Variants in JAML observed in about 807,000 individuals in gnomAD.
The protein encoded by JAML is junction adhesion molecule like.
In JAML, 25 loss-of-function variants were observed where a neutral mutation model predicts 39.3. The ratio of observed to expected loss-of-function variants is 0.64; its 90% CI spans 0.46 to 0.89. The LOEUF (loss-of-function observed/expected upper bound fraction) is 0.89, where lower values mean the gene tolerates loss of function less well. Among genes scored for constraint, JAML ranks in the 40% least tolerant of loss-of-function variants. The pLI, the probability that JAML is intolerant of heterozygous loss-of-function variation, is 0.00. For missense variants in JAML, 440 were observed against 486.9 expected, an observed-to-expected ratio of 0.90 and a Z score of 0.91; for synonymous variants, 162 against 179.2, an observed-to-expected ratio of 0.90 and a Z score of 0.77.
At chr11:118,220,803 A>G (rs1478268446) in intron 1 of JAML, among the ~76,000 whole-genome samples, 6 of 152,200 alleles carry the variant, frequency 3.9e-5, no homozygotes, top group Non-Finnish European at 7.3e-5. Context: ...AATGGGATAC[A>G]TGGGAAAAAG....
In JAML at chr11:118,199,690, ATTATTTTT is replaced by A. The variant is rs1262232570; in HGVS notation, c.911+776_911+783del. 7.4e-5 allele frequency among the ~76,000 whole-genome samples: 6 copies of A among 80,672 alleles called. No individual in the cohort carries two copies. The South Asian group carries it at 1.5e-3, about 20-fold the overall frequency. The allele number at this position is 80,672 out of a possible 152,430, so 52.9% of individuals were successfully genotyped here. The stretch of plus-strand genomic sequence containing the variant: ...CCTTTAAAAGCACATTATTATTATT[ATTATTTTT>A]TTTTTTTTTTTTTTTTGAGACAGAG... On this transcript the variant is annotated intron_variant, in intron 7 of 9. Transcript: ENST00000356289.
intron 9 of JAML, among the ~76,000 whole-genome samples, chr11:118,194,882 C>G (rs1418048795): frequency 6.6e-6 from 1 of 152,224 alleles, no homozygotes; most frequent in Non-Finnish European, 1.5e-5. Flanking sequence ...TCACCAACAG[C>G]CTTATTTAAC....
At chr11:118,198,337 T>C (rs545604879) in intron 7 of JAML, among the ~76,000 whole-genome samples, 1 of 152,318 alleles carries the variant, frequency 6.6e-6, no homozygotes, top group East Asian at 1.9e-4. Flanking sequence ...TTCTCTATTA[T>C]CACTCAAGCC....
chr11:118,195,101 A>T (rs914778273), intron 9 of JAML, among the ~76,000 whole-genome samples: 1 of 152,168 alleles, frequency 6.6e-6, no homozygotes. Flanking sequence ...CACCTCGGAG[A>T]CGTTCTGCAA....
Position 118,203,429 on chromosome 11 carries a change from T to C in JAML, c.771A>G (p.Arg257=). The part of the protein sequence containing the change: ...IVLHVSPEEP[R]TLVTPAALRP... Reference sequence around the variant, plus strand: ...GCTCCCCAGCCAAATGTTAGATACTTCGAGGCTCTTCCGGGCTGACATGCA... The same window carrying C: ...GCTCCCCAGCCAAATGTTAGATACTCCGAGGCTCTTCCGGGCTGACATGCA... Residue 257 remains arginine (R), a splice_region_variant and synonymous_variant, in exon 6 of 10, where the codon CGA becomes CGG. Coordinates refer to ENST00000356289, the MANE Select transcript of JAML (RefSeq NM_001098526.2). 7 of 1,613,682 alleles carry C rather than the reference T, an allele frequency of 4.3e-6. No homozygotes were observed. The highest frequency in any genetic ancestry group is 1.3e-5 in the African/African-American group (1 of 75,032).
chr11:118,213,442 G>A (rs1447994225), intron 2 of JAML: 5 of 553,692 alleles, frequency 9.0e-6, no homozygotes, highest in African/African-American at 4.1e-5. Flanking sequence ...CCCAACAGTA[G>A]GCTCACACAG....
At chr11:118,215,756 A>G (rs1007803790) in intron 1 of JAML, among the ~76,000 whole-genome samples, 7 of 152,100 alleles carry the variant, frequency 4.6e-5, no homozygotes, top group African/African-American at 1.7e-4. Context: ...TTTGATATGC[A>G]TGTTATCTCT....
chr11:118,213,390 C>T, intron 2 of JAML: 1 of 962,388 alleles, frequency 1.0e-6, no homozygotes, highest in Non-Finnish European at 1.2e-6. Flanking sequence ...CCAGTCTTTT[C>T]ATCCAAGCTG....
At chr11:118,223,179 T>C (rs541859259) in intron 1 of JAML, among the ~76,000 whole-genome samples, 2 of 151,520 alleles carry the variant, frequency 1.3e-5, no homozygotes, top group African/African-American at 2.4e-5. Flanking sequence ...GTTAATCTCA[T>C]GAAAAGTTCT....
chr11:118,217,076 A>G (rs1949152820), intron 1 of JAML, among the ~76,000 whole-genome samples: 1 of 152,208 alleles, frequency 6.6e-6, no homozygotes, highest in Non-Finnish European at 1.5e-5. Context: ...CACCAACCGC[A>G]TGGAGGAGTA....
At position 118,203,460 on chromosome 11, in the gene JAML, A is replaced by G; in HGVS notation, c.740T>C (p.Ile247Thr). 1.9e-6 allele frequency: 3 copies of G among 1,614,172 alleles called. No homozygotes were observed. Among genetic ancestry groups the G allele is most frequent in the Non-Finnish European group, 2.5e-6 (3 of 1,180,012 alleles). The part of the protein sequence containing the change: ...HLGNLVFKKT[I>T]VLHVSPEEPR... ...CTCTTCCGGGCTGACATGCAGCACAATGGTTTTCTTGAACACCAGGTTCCC... is the reference window on the plus strand; with the variant it reads ...CTCTTCCGGGCTGACATGCAGCACAGTGGTTTTCTTGAACACCAGGTTCCC... The change falls in exon 6 of 10, where the codon ATT becomes ACT. Residue 247 changes from isoleucine to threonine, a missense_variant. Coordinates refer to ENST00000356289, the MANE Select transcript of JAML (RefSeq NM_001098526.2).
intron 4 of JAML, 71 bp from the exon 5 acceptor site, chr11:118,206,062 G>T: frequency 7.2e-7 from 1 of 1,388,654 alleles, no homozygotes; most frequent in Non-Finnish European, 1.0e-6. Context: ...TTCTAGAAGA[G>T]ATCATGTTTA....
chr11:118,210,355 T>C, intron 4 of JAML, 132 bp downstream of exon 4: 3 of 649,724 alleles, frequency 4.6e-6, no homozygotes, highest in Non-Finnish European at 7.7e-6. Flanking sequence ...ATTATGATCA[T>C]TTTTTGAAGA....
chr11:118,204,894 T>TAAGA (rs1948886127), intron 5 of JAML: 1 of 152,200 alleles, frequency 6.6e-6, no homozygotes, highest in African/African-American at 2.4e-5. Context: ...TTAAAGCTTT[T>TAAGA]AAGAAAAGTT....
At chr11:118,219,710 A>G (rs1055457687) in intron 1 of JAML, among the ~76,000 whole-genome samples, 1 of 152,142 alleles carries the variant, frequency 6.6e-6, no homozygotes, top group Non-Finnish European at 1.5e-5. Flanking sequence ...CTAGCTAGTC[A>G]CTACCCGCAA....
At chr11:118,203,228 T>G (rs1948847070) in intron 6 of JAML, 200 bp downstream of exon 6, 3 of 716,270 alleles carry the variant, frequency 4.2e-6, no homozygotes, top group Non-Finnish European at 7.6e-6. Flanking sequence ...GGGCCAGAAC[T>G]AGGGTGAGGC....
At chr11:118,198,973 T>C (rs1300749309) in intron 7 of JAML, among the ~76,000 whole-genome samples, 1 of 152,238 alleles carries the variant, frequency 6.6e-6, no homozygotes, top group Non-Finnish European at 1.5e-5. Flanking sequence ...TTAGTACATA[T>C]GCTGCTGGAG....
intron 9 of JAML, 61 bp downstream of exon 9, chr11:118,196,674 C>T: frequency 8.0e-7 from 1 of 1,242,910 alleles, no homozygotes; most frequent in Non-Finnish European, 1.1e-6. Context: ...CAGCCACGCC[C>T]ACCACCACCA....
rs1262694016 is a variant in JAML, at chr11:118,194,024, C to A, written c.*301G>T. On this transcript the variant is annotated 3_prime_UTR_variant, in exon 10 of 10. Coordinates refer to ENST00000356289, the MANE Select transcript of JAML (RefSeq NM_001098526.2). ...AGTAACTCATCCACTAAGAACCCTG[C>A]CCACAGGAGGGTCTGATCCAACGGG... 3.1e-6 allele frequency: 1 copy of A among 319,016 alleles called. No homozygotes were observed. Among genetic ancestry groups the A allele is most frequent in the Non-Finnish European group, 6.0e-6 (1 of 166,484 alleles). 19.8% of individuals were successfully genotyped at this position (319,016 alleles called of 1,614,324 possible). A position where few individuals can be genotyped will look rare whatever the true frequency, so the allele number is the denominator to read the frequency against.
Sources: gnomAD v4.1 joint callset for allele counts (sites outside exome capture counted in the v4.1 genomes callset) on GRCh38, gnomAD v4.1.1 for gene constraint, MANE v1.5 for transcripts, NCBI Gene and HGNC (gene_info 2026-07-23, HGNC 2026-07-21) for gene names.